The following CNTNAP2 variants were observed in gnomAD, a reference collection of about 807,000 sequenced individuals.
The protein encoded by CNTNAP2 is contactin associated protein 2.
CNTNAP2 carries 98 observed loss-of-function variants against 155.2 expected under a neutral mutation model. The observed-to-expected ratio is 0.63, with a 90% CI of 0.54 to 0.75. CNTNAP2 has a LOEUF of 0.75. Ranked by LOEUF, CNTNAP2 falls within the 30% of genes least tolerant of loss-of-function variation. CNTNAP2 has a pLI of 0.00. For missense variants in CNTNAP2, 1,727 were observed against 1,688.1 expected (o/e 1.02, Z -0.40); for synonymous variants, 651 against 631.2 (o/e 1.03, Z -0.47).
chr7:146,158,602 G>A lies in CNTNAP2; in HGVS notation c.97+41629G>A, dbSNP rs537458662. 1.3e-4 allele frequency among the ~76,000 whole-genome samples: 20 copies of A among 152,294 alleles called. No homozygotes were observed. The South Asian group carries it at 3.9e-3, about 30-fold the overall frequency. ...TGAGAACTATGTGACGCATGTGCAA[G>A]CTTCAGTAGCCAATTCAATCAAGTG... On this transcript the variant is annotated intron_variant, in intron 1 of 23. Transcript: ENST00000361727.
chr7:147,241,435 C>A (rs955417987), intron 8 of CNTNAP2, among the ~76,000 whole-genome samples: 1 of 151,938 alleles, frequency 6.6e-6, no homozygotes, highest in Non-Finnish European at 1.5e-5. Flanking sequence ...CCAGACCAGC[C>A]TGGCCAAGAT....
intron 3 of CNTNAP2, among the ~76,000 whole-genome samples, chr7:146,985,294 T>C (rs796197490): frequency 2.0e-5 from 3 of 150,646 alleles, no homozygotes; most frequent in African/African-American, 7.4e-5. Context: ...AAAGTGCTTG[T>C]GGAAAATGCT....
chr7:147,186,670 ATAAACT>A (rs1257499602), intron 8 of CNTNAP2, among the ~76,000 whole-genome samples: 2 of 152,202 alleles, frequency 1.3e-5, no homozygotes. Flanking sequence ...ATATTGACAC[ATAAACT>A]TAGGCAAACA....
At chr7:147,124,368 G>C (rs1801190040) in intron 6 of CNTNAP2, among the ~76,000 whole-genome samples, 1 of 152,156 alleles carries the variant, frequency 6.6e-6, no homozygotes, top group African/African-American at 2.4e-5. Flanking sequence ...GAGGCCCAAA[G>C]GTGGAGGTAT....
chr7:146,805,894 A>AT (rs927160288), intron 2 of CNTNAP2, among the ~76,000 whole-genome samples: 71 of 152,116 alleles, frequency 4.7e-4, no homozygotes, highest in African/African-American at 1.5e-3. Flanking sequence ...CCAGAAGTCA[A>AT]TTTTTTTTAA....
intron 1 of CNTNAP2, among the ~76,000 whole-genome samples, chr7:146,717,292 C>T (rs1173252176): frequency 6.7e-6 from 1 of 149,564 alleles, no homozygotes; most frequent in Non-Finnish European, 1.5e-5. Flanking sequence ...CACCTGAGGT[C>T]AGGAGTTCAA....
intron 13 of CNTNAP2, among the ~76,000 whole-genome samples, chr7:147,784,647 A>G (rs1457816614): frequency 6.8e-6 from 1 of 147,148 alleles, no homozygotes; most frequent in African/African-American, 2.5e-5. Context: ...GAAACCACTG[A>G]AGGTTTTCCA....
chr7:146,319,090 T>C (rs572508723), intron 1 of CNTNAP2, among the ~76,000 whole-genome samples: 34 of 152,222 alleles, frequency 2.2e-4, no homozygotes, highest in African/African-American at 7.2e-4. Flanking sequence ...TCTAGAGGTG[T>C]TGGTCTCGAA....
At chr7:147,474,305 C>T (rs948254740) in intron 10 of CNTNAP2, among the ~76,000 whole-genome samples, 1 of 151,862 alleles carries the variant, frequency 6.6e-6, no homozygotes, top group Non-Finnish European at 1.5e-5. Context: ...AAAAGTGTGA[C>T]ATTCTTGGCC....
chr7:147,997,336 C>A (rs1053737390), intron 15 of CNTNAP2, among the ~76,000 whole-genome samples: 3 of 151,830 alleles, frequency 2.0e-5, no homozygotes, highest in East Asian at 3.9e-4. Context: ...GGTGGATGAC[C>A]TGAGGTTGGG....
intron 8 of CNTNAP2, among the ~76,000 whole-genome samples, chr7:147,186,847 G>A (rs1802576407): frequency 6.6e-6 from 1 of 152,130 alleles, no homozygotes; most frequent in Non-Finnish European, 1.5e-5. Flanking sequence ...TGCAGGTTTG[G>A]TCCAGTTGAA....
chr7:146,956,860 A>C (rs2129229367), intron 3 of CNTNAP2, among the ~76,000 whole-genome samples: 1 of 152,302 alleles, frequency 6.6e-6, no homozygotes, highest in African/African-American at 2.4e-5. Flanking sequence ...TGGGGGAATT[A>C]TCTCACAGGA....
At chr7:146,644,173 C>A (rs578206414) in intron 1 of CNTNAP2, among the ~76,000 whole-genome samples, 2 of 152,230 alleles carry the variant, frequency 1.3e-5, no homozygotes, top group East Asian at 3.9e-4. Flanking sequence ...TGCCTAATTG[C>A]CCTGGCCAGA....
intron 10 of CNTNAP2, among the ~76,000 whole-genome samples, chr7:147,417,167 C>T (rs959189141): frequency 1.3e-5 from 2 of 152,012 alleles, no homozygotes; most frequent in African/African-American, 4.8e-5. Context: ...TCATCTCAAC[C>T]ACGGTTATGT....
At chr7:146,734,658 C>T (rs1015830697) in intron 1 of CNTNAP2, among the ~76,000 whole-genome samples, 2 of 152,118 alleles carry the variant, frequency 1.3e-5, no homozygotes, top group Non-Finnish European at 2.9e-5. Flanking sequence ...TTTTAAACTA[C>T]ATAATGCAAG....
chr7:146,843,596 CAAAAA>C (rs10639255), intron 3 of CNTNAP2, among the ~76,000 whole-genome samples: 10 of 126,558 alleles, frequency 7.9e-5, no homozygotes, highest in East Asian at 2.3e-4. Context: ...CTTACTAATA[CAAAAA>C]AAAAAAAAAA....
At chr7:147,216,951 G>T (rs1803281484) in intron 8 of CNTNAP2, among the ~76,000 whole-genome samples, 2 of 151,962 alleles carry the variant, frequency 1.3e-5, no homozygotes, top group Non-Finnish European at 2.9e-5. Context: ...GTAAATGGAA[G>T]TATGTTCTTA....
intron 1 of CNTNAP2, among the ~76,000 whole-genome samples, chr7:146,638,116 T>C (rs1235854981): frequency 6.6e-6 from 1 of 152,204 alleles, no homozygotes; most frequent in Non-Finnish European, 1.5e-5. Context: ...TTATTGAATG[T>C]TGTTCTATTT....
At chr7:146,552,108 G>T (rs1404348648) in intron 1 of CNTNAP2, among the ~76,000 whole-genome samples, 2 of 152,040 alleles carry the variant, frequency 1.3e-5, no homozygotes, top group African/African-American at 4.8e-5. Context: ...CAGCCATGAA[G>T]AAATACTGAA....
Sources: gnomAD v4.1 joint callset for allele counts (sites outside exome capture counted in the v4.1 genomes callset) on GRCh38, gnomAD v4.1.1 for gene constraint, MANE v1.5 for transcripts, NCBI Gene and HGNC (gene_info 2026-07-23, HGNC 2026-07-21) for gene names.